The following BRCA1 variants were observed in gnomAD, a reference collection of about 807,000 sequenced individuals.
BRCA1 encodes the protein breast cancer type 1 susceptibility protein.
A neutral mutation model predicts 173.7 loss-of-function variants in BRCA1; 140 were observed. That is an observed-to-expected ratio of 0.81 (90% CI 0.70 to 0.93). The LOEUF (loss-of-function observed/expected upper bound fraction) is 0.93. Ranked by LOEUF, BRCA1 falls within the 40% of genes least tolerant of loss-of-function variation. The pLI is 0.00. For synonymous variants in BRCA1, 662 were observed against 756.0 expected (o/e 0.88, Z 2.04); for missense variants, 1,983 against 2,172.5 (o/e 0.91, Z 1.73).
intron 19 of BRCA1, among the ~76,000 whole-genome samples, chr17:43,052,880 T>TG (rs1038303227): frequency 6.9e-6 from 1 of 145,928 alleles, no homozygotes; most frequent in African/African-American, 2.5e-5. Context: ...GTCTGTGTGT[T>TG]TTTTTTTTTT....
intron 3 of BRCA1, among the ~76,000 whole-genome samples, chr17:43,114,005 G>C (rs1458265089): frequency 6.6e-6 from 1 of 151,308 alleles, no homozygotes; most frequent in African/African-American, 2.4e-5. Context: ...AACCCAGGAG[G>C]TGGAGGTTGC....
chr17:43,129,775 G>A (rs2055950448), upstream of BRCA1, among the ~76,000 whole-genome samples: 2 of 152,138 alleles, frequency 1.3e-5, no homozygotes, highest in South Asian at 4.1e-4. Context: ...CACCTGGCAG[G>A]AAGTGTTTCT....
intron 1 of BRCA1, among the ~76,000 whole-genome samples, chr17:43,157,409 T>C (rs1032975174): frequency 1.3e-5 from 2 of 152,214 alleles, no homozygotes; most frequent in African/African-American, 4.8e-5. Context: ...CATTAAAAAT[T>C]AATCTTAAGG....
chr17:43,124,747 T>G (rs186949625), intron 1 of BRCA1: 1 of 199,416 alleles, frequency 5.0e-6, no homozygotes, highest in Non-Finnish European at 1.0e-5. Context: ...CAGCCGGTGT[T>G]TTTTGTTTTG....
In BRCA1 at chr17:43,100,655, A is replaced by ATATGTT. The variant is rs1439612969; in HGVS notation, c.442-776_442-775insAACATA. Among the ~76,000 whole-genome samples, 147 of 26,324 alleles carry ATATGTT rather than the reference A, an allele frequency of 5.6e-3. 3 individuals are homozygous for ATATGTT. The highest frequency in any genetic ancestry group is 0.024 in the South Asian group (14 of 582). 17.3% of individuals were successfully genotyped at this position (26,324 alleles called of 152,430 possible). On this transcript the variant is annotated intron_variant, in intron 6 of 22. Transcript: ENST00000357654. ...TGTTATATATATATAACATATATAT[A>ATATGTT]ACATATATATATATATATATATAAT...
At chr17:43,155,899 C>T (rs968492921) in intron 1 of BRCA1, among the ~76,000 whole-genome samples, 3 of 152,028 alleles carry the variant, frequency 2.0e-5, no homozygotes, top group Non-Finnish European at 2.9e-5. Context: ...CCTGGTAGTG[C>T]GACAAGAATG....
intron 18 of BRCA1, among the ~76,000 whole-genome samples, chr17:43,062,679 C>T (rs566529348): frequency 6.6e-6 from 1 of 152,114 alleles, no homozygotes; most frequent in African/African-American, 2.4e-5. Context: ...CTCATTGCAA[C>T]CTCCACCTCC....
intron 1 of BRCA1, among the ~76,000 whole-genome samples, chr17:43,124,565 G>A (rs2055776655): frequency 6.6e-6 from 1 of 152,026 alleles, no homozygotes; most frequent in Non-Finnish European, 1.5e-5. Context: ...GCACATCCCT[G>A]CCGGCAGCAT....
rs80358085 is a variant in BRCA1 at position 43,106,551 on chromosome 17, A to C, written c.135-18T>G. 5 of 1,534,872 alleles carry C rather than the reference A, an allele frequency of 3.3e-6. No homozygotes were observed. The highest frequency in any genetic ancestry group is 4.5e-6 in the Non-Finnish European group (5 of 1,111,322). ...TGCAAAATCTATAAATTATAAAGAA[A>C]GAAAGAACAATTTAATTTACTTCCT... On this transcript the variant is annotated intron_variant, in intron 3 of 22. Transcript: ENST00000357654.
intron 6 of BRCA1, among the ~76,000 whole-genome samples, chr17:43,100,460 G>A (rs1366951394): frequency 6.9e-6 from 1 of 144,590 alleles, no homozygotes; most frequent in Non-Finnish European, 1.5e-5. Flanking sequence ...TCCTGCCTCA[G>A]CCTCCTGAGT....
chr17:43,156,904 C>CT (rs2154581661), intron 1 of BRCA1, among the ~76,000 whole-genome samples: 1 of 152,242 alleles, frequency 6.6e-6, no homozygotes, highest in East Asian at 1.9e-4. Flanking sequence ...AAATGTTCCC[C>CT]TTCTAGGTCC....
At chr17:43,144,744 G>C (rs2056106357) in intron 1 of BRCA1, 2 of 300,882 alleles carry the variant, frequency 6.6e-6, no homozygotes, top group Non-Finnish European at 1.3e-5. Context: ...TCCGAGGGCA[G>C]GCATGGTGGC....
At chr17:43,057,652 G>A (rs1383361318) in intron 18 of BRCA1, among the ~76,000 whole-genome samples, 6 of 151,704 alleles carry the variant, frequency 4.0e-5, no homozygotes, top group Non-Finnish European at 7.4e-5. Flanking sequence ...TGGCTAACAC[G>A]GTGAAACCCC....
chr17:43,095,799 C>A (rs1421409748), intron 9 of BRCA1, 47 bp downstream of exon 9: 1 of 1,450,526 alleles, frequency 6.9e-7, no homozygotes, highest in Non-Finnish European at 9.7e-7. Context: ...ACTGTATCTA[C>A]CCACTCTCTT....
intron 1 of BRCA1, among the ~76,000 whole-genome samples, chr17:43,152,696 A>T (rs576049823): frequency 6.6e-6 from 1 of 152,242 alleles, no homozygotes; most frequent in South Asian, 2.1e-4. Flanking sequence ...CTACTAAAAA[A>T]TACAAAAAAT....
At chr17:43,066,891 C>T (rs1452465045) in intron 16 of BRCA1, among the ~76,000 whole-genome samples, 3 of 143,568 alleles carry the variant, frequency 2.1e-5, no homozygotes, top group Non-Finnish European at 4.5e-5. Flanking sequence ...GATCTTGGGT[C>T]ACTGCAACCT....
At chr17:43,054,217 G>A (rs772876836) in intron 19 of BRCA1, among the ~76,000 whole-genome samples, 3 of 152,110 alleles carry the variant, frequency 2.0e-5, no homozygotes, top group African/African-American at 4.8e-5. Context: ...CTCACATGGC[G>A]CTCCCCTGTG....
Position 43,072,939 on chromosome 17 carries a change from A to T in BRCA1, c.4675+1392T>A, listed in dbSNP as rs191530878. 6.9e-3 allele frequency among the ~76,000 whole-genome samples: 1,034 copies of T among 149,138 alleles called. 44 individuals are homozygous for T. The highest frequency in any genetic ancestry group is 0.059 in the Admixed American group (886 of 15,010). On this transcript the variant is annotated intron_variant, in intron 14 of 22. Transcript: ENST00000357654. ...GCTACATTGCCCAGGCTGGTCTTGA[A>T]CTCTTGGCCTCGAGCAATTCTCCCA...
At chr17:43,087,297 G>A (rs1334823581) in intron 11 of BRCA1, among the ~76,000 whole-genome samples, 1 of 152,090 alleles carries the variant, frequency 6.6e-6, no homozygotes, top group African/African-American at 2.4e-5. Flanking sequence ...TTCAGCAATA[G>A]GTCAAATAAA....
Sources: gnomAD v4.1 joint callset for allele counts (sites outside exome capture counted in the v4.1 genomes callset) on GRCh38, gnomAD v4.1.1 for gene constraint, MANE v1.5 for transcripts, NCBI Gene and HGNC (gene_info 2026-07-23, HGNC 2026-07-21) for gene names.